The following CSMD1 variants were observed in gnomAD, a reference collection of about 807,000 sequenced individuals.
CSMD1 encodes CUB and sushi domain-containing protein 1.
Under a neutral mutation model 417.5 loss-of-function variants are expected in CSMD1, and 213 were observed. The ratio of observed to expected loss-of-function variants is 0.51; its 90% CI spans 0.46 to 0.57. CSMD1 has a LOEUF of 0.57. CSMD1 is among the 20% of genes least tolerant of loss of function. The pLI is 0.00. For synonymous variants in CSMD1, 2,862 were observed against 1,736.8 expected (o/e 1.65, Z -16.11); for missense variants, 6,923 against 4,529.7 (o/e 1.53, Z -15.17).
intron 12 of CSMD1, among the ~76,000 whole-genome samples, chr8:3,458,786 T>C (rs558630609): frequency 2.0e-5 from 3 of 152,312 alleles, no homozygotes; most frequent in East Asian, 1.9e-4. Flanking sequence ...GATGAAGACA[T>C]TGTGTGCTCT....
chr8:3,206,054 TG>T lies in CSMD1; in HGVS notation c.4868-435del, dbSNP rs1445675320. Among the ~76,000 whole-genome samples, 7 of 152,204 alleles carry T rather than the reference TG, an allele frequency of 4.6e-5. No individual in the cohort carries two copies. The South Asian group carries it at 1.0e-3, about 22-fold the overall frequency. ...TATGGGAATCAAAGGAAAAATGTTT[TG>T]TTTTTTAGGGGATTTTCTTTGTTTT... is the stretch of plus-strand genomic sequence containing the variant. On this transcript the variant is annotated intron_variant, in intron 30 of 69. Coordinates refer to ENST00000635120, the MANE Select transcript of CSMD1 (RefSeq NM_033225.6).
At position 2,942,498 on chromosome 8, in the gene CSMD1, C is replaced by A. The variant is rs759726370; in HGVS notation, c.10509G>T (p.Gly3503=). The change falls in exon 69 of 70, where the codon GGG becomes GGT. Residue 3503 remains glycine (G), a synonymous_variant. Coordinates refer to ENST00000635120, the MANE Select transcript of CSMD1 (RefSeq NM_033225.6). ...LVPFFALILS[G]FAFYLYKHRT... The stretch of plus-strand genomic sequence containing the variant: ...TGTGTTTGTAGAGGTAAAATGCAAA[C>A]CCTGATAAAATTAGAGCAAAGAAAG... The A allele has an allele frequency of 1.2e-6, 2 of 1,613,102 alleles. No individual in the cohort carries two copies. The highest frequency in any genetic ancestry group is 1.3e-5 in the African/African-American group (1 of 74,974).
At position 3,644,063 on chromosome 8, in the gene CSMD1, A is replaced by G. The variant is rs949167469; in HGVS notation, c.1010-27266T>C. ...CAAGGAATCAAAGCTTCCAACTTTT[A>G]TCTTTAAGAAAGTGCTCCAGGGCAG... On this transcript the variant is annotated intron_variant, in intron 7 of 69. Transcript: ENST00000635120. Among the ~76,000 whole-genome samples the G allele has an allele frequency of 3.9e-5, 6 of 152,332 alleles. No individual in the cohort carries two copies. In the East Asian group the frequency reaches 1.2e-3, roughly 29 times the overall value.
At chr8:3,557,209 AT>A (rs1172864475) in intron 10 of CSMD1, among the ~76,000 whole-genome samples, 25 of 152,206 alleles carry the variant, frequency 1.6e-4, no homozygotes, top group Non-Finnish European at 1.5e-5. Flanking sequence ...CTGGATATGT[AT>A]TAGTACAACA....
Position 4,510,338 on chromosome 8 carries a change from AG to A in CSMD1, c.303-90274del, listed in dbSNP as rs1802745929. ...ACTACAACTAAATATTTCCCAGGTTAGCCATACAGGTATTCTTATATTTTTT... is the reference window on the plus strand; with the variant it reads ...ACTACAACTAAATATTTCCCAGGTTACCATACAGGTATTCTTATATTTTTT... On this transcript the variant is annotated intron_variant, in intron 2 of 69. Transcript: ENST00000635120. Among the ~76,000 whole-genome samples, 4 of 139,636 alleles carry A rather than the reference AG, an allele frequency of 2.9e-5. No individual in the cohort carries two copies. The South Asian group carries it at 9.7e-4, about 34-fold the overall frequency. The allele number at this position is 139,636 out of a possible 152,430, so 91.6% of individuals were successfully genotyped here. A position where few individuals can be genotyped will look rare whatever the true frequency, so the allele number is the denominator to read the frequency against.
At chr8:3,101,619 T>G (rs926397625) in intron 46 of CSMD1, among the ~76,000 whole-genome samples, 2 of 151,102 alleles carry the variant, frequency 1.3e-5, no homozygotes, top group Admixed American at 1.3e-4. Context: ...TAGAGATAGG[T>G]TTTCACCATG....
intron 26 of CSMD1, among the ~76,000 whole-genome samples, chr8:3,248,598 C>T (rs187913181): frequency 7.2e-6 from 1 of 138,506 alleles, no homozygotes; most frequent in African/African-American, 2.6e-5. Flanking sequence ...GGCGCGATCT[C>T]AGCTCACTGC....
At chr8:3,691,643 G>A (rs931769580) in intron 7 of CSMD1, among the ~76,000 whole-genome samples, 1 of 152,058 alleles carries the variant, frequency 6.6e-6, no homozygotes, top group Non-Finnish European at 1.5e-5. Flanking sequence ...GTGTTCCTAA[G>A]TACCCTTTCG....
intron 3 of CSMD1, among the ~76,000 whole-genome samples, chr8:4,298,077 G>A (rs879316543): frequency 2.0e-5 from 3 of 152,020 alleles, no homozygotes; most frequent in Admixed American, 1.3e-4. Flanking sequence ...GCGTCTCTCT[G>A]GTGAAAACCC....
intron 1 of CSMD1, among the ~76,000 whole-genome samples, chr8:4,768,314 C>A (rs1249122169): frequency 6.6e-6 from 1 of 152,100 alleles, no homozygotes; most frequent in East Asian, 1.9e-4. Context: ...TTCGTATACT[C>A]GCCTATGATC....
chr8:4,261,072 G>C (rs1267215424), intron 3 of CSMD1, among the ~76,000 whole-genome samples: 2 of 152,078 alleles, frequency 1.3e-5, no homozygotes, highest in Admixed American at 6.6e-5. Flanking sequence ...CGGATACCTT[G>C]TTTTGTGCTA....
intron 22 of CSMD1, among the ~76,000 whole-genome samples, chr8:3,344,358 C>G (rs1807850268): frequency 6.6e-6 from 1 of 152,102 alleles, no homozygotes; most frequent in Admixed American, 6.6e-5. Context: ...GGCTTAAAAC[C>G]TAGATGATGG....
chr8:3,307,821 G>C lies in CSMD1; in HGVS notation c.3824C>G (p.Ala1275Gly). ...TGCATGGATCTGACCACCACATTCCGCTGTAGAAGACACAGAGAGATGGGA... is the reference window on the plus strand; with the variant it reads ...TGCATGGATCTGACCACCACATTCCCCTGTAGAAGACACAGAGAGATGGGA... ...VWDKPLPSCI[A>G]ECGGQIHAAT... is the part of the protein sequence containing the mutation. The change falls in exon 25 of 70, where the codon GCG (alanine) becomes GGG (glycine). Residue 1275 changes from alanine to glycine, a missense_variant and splice_region_variant. By Grantham distance (60) the Ala-to-Gly change is moderately conservative. Transcript: ENST00000635120. The C allele has an allele frequency of 6.2e-7, 1 of 1,611,016 alleles. No individual in the cohort carries two copies. Among genetic ancestry groups the C allele is most frequent in the Non-Finnish European group, 8.5e-7 (1 of 1,178,762 alleles).
intron 54 of CSMD1, among the ~76,000 whole-genome samples, chr8:2,996,558 CGGCCTCCACAAA>C (rs1806915289): frequency 6.6e-6 from 1 of 152,174 alleles, no homozygotes; most frequent in Non-Finnish European, 1.5e-5. Context: ...TGGAGTCCTG[CGGCCTCCACAAA>C]GAGTCACCGC....
Position 2,943,975 on chromosome 8 carries a change from C to A in CSMD1, c.10403-1371G>T, listed in dbSNP as rs1180298820. ...CTTTAAATCATTATTTGTATCAACA[C>A]CCTTTAATTTTCATATAAAAACTTT... On this transcript the variant is annotated intron_variant, in intron 68 of 69. Transcript: ENST00000635120. Among the ~76,000 whole-genome samples, 5 of 152,248 alleles carry A rather than the reference C, an allele frequency of 3.3e-5. No individual in the cohort carries two copies. The East Asian group carries it at 9.7e-4, about 29-fold the overall frequency.
intron 3 of CSMD1, among the ~76,000 whole-genome samples, chr8:4,241,341 C>A (rs1044796522): frequency 6.6e-6 from 1 of 152,330 alleles, no homozygotes; most frequent in South Asian, 2.1e-4. Flanking sequence ...GCCTATTTTT[C>A]CTTCAGTTCT....
At chr8:4,925,173 T>C (rs1353901839) in intron 1 of CSMD1, among the ~76,000 whole-genome samples, 1 of 150,608 alleles carries the variant, frequency 6.6e-6, no homozygotes, top group Non-Finnish European at 1.5e-5. Context: ...AACATCACTA[T>C]GGTTAATCAG....
intron 7 of CSMD1, among the ~76,000 whole-genome samples, chr8:3,691,438 G>T (rs572771061): frequency 1.3e-5 from 2 of 152,014 alleles, no homozygotes; most frequent in Non-Finnish European, 2.9e-5. Flanking sequence ...ATGAAGAGAA[G>T]ATTGGCGCTT....
chr8:3,915,928 T>C (rs887781637), intron 5 of CSMD1, among the ~76,000 whole-genome samples: 2 of 151,188 alleles, frequency 1.3e-5, no homozygotes, highest in African/African-American at 4.9e-5. Flanking sequence ...GAGGCAGACC[T>C]ACATAAACTG....
Sources: allele counts gnomAD v4.1 joint callset (sites outside exome capture counted in the v4.1 genomes callset), GRCh38; gene constraint gnomAD v4.1.1; transcripts MANE v1.5; gene names NCBI Gene and HGNC (gene_info 2026-07-23, HGNC 2026-07-21).